GLT1D1: variants seen among roughly 807,000 people sequenced by gnomAD.
GLT1D1 encodes the protein glycosyltransferase 1 domain-containing protein 1.
A neutral mutation model predicts 28.7 loss-of-function variants in GLT1D1; 21 were observed. The ratio of observed to expected loss-of-function variants is 0.73; its 90% CI spans 0.52 to 1.05. The LOEUF is 1.05. Ranked by LOEUF, GLT1D1 falls within the 50% of genes least tolerant of loss-of-function variation. The pLI, the probability that GLT1D1 is intolerant of heterozygous loss-of-function variation, is 0.00. For missense variants in GLT1D1, 343 were observed against 330.6 expected, an observed-to-expected ratio of 1.04 and a Z score of -0.29; for synonymous variants, 147 against 124.8, an observed-to-expected ratio of 1.18 and a Z score of -1.19.
chr12:128,952,913 G>A (rs1399751446), intron 6 of GLT1D1, among the ~76,000 whole-genome samples: 2 of 150,404 alleles, frequency 1.3e-5, no homozygotes, highest in Non-Finnish European at 2.9e-5. Flanking sequence ...CGAGTAGCTG[G>A]AACCACAGGC....
At chr12:128,976,533 C>T (rs1037581338) in intron 7 of GLT1D1, among the ~76,000 whole-genome samples, 12 of 152,208 alleles carry the variant, frequency 7.9e-5, no homozygotes, top group Non-Finnish European at 1.2e-4. Flanking sequence ...CAACGTCTCC[C>T]ATCGACAAGC....
chr12:128,893,736 C>T (rs1306682532), intron 3 of GLT1D1, among the ~76,000 whole-genome samples: 1 of 152,102 alleles, frequency 6.6e-6, no homozygotes, highest in Non-Finnish European at 1.5e-5. Flanking sequence ...CAGGGGTGCA[C>T]CACCACGCCT....
At chr12:128,978,417 G>T (rs12300216) in intron 7 of GLT1D1, among the ~76,000 whole-genome samples, 98 of 152,334 alleles carry the variant, frequency 6.4e-4, no homozygotes, top group African/African-American at 2.3e-3. Flanking sequence ...TGAGTGTCTG[G>T]CCCTGCCTTC....
At chr12:128,861,702 A>G (rs757307255) in intron 1 of GLT1D1, among the ~76,000 whole-genome samples, 18 of 152,160 alleles carry the variant, frequency 1.2e-4, no homozygotes, top group Non-Finnish European at 8.8e-5. Flanking sequence ...CATTTTAGAT[A>G]ATGGGGGCAG....
chr12:128,854,553 A>G (rs1029442590), intron 1 of GLT1D1, among the ~76,000 whole-genome samples: 2 of 152,112 alleles, frequency 1.3e-5, no homozygotes, highest in African/African-American at 2.4e-5. Context: ...GCTGGAGTGC[A>G]GTGGCGCAAT....
chr12:128,916,917 C>A (rs1466783542), intron 4 of GLT1D1, among the ~76,000 whole-genome samples: 2 of 152,158 alleles, frequency 1.3e-5, no homozygotes, highest in African/African-American at 4.8e-5. Context: ...TCTTTACCTA[C>A]CCTAGGGTCA....
At chr12:128,860,200 C>T (rs1956320929) in intron 1 of GLT1D1, among the ~76,000 whole-genome samples, 1 of 152,230 alleles carries the variant, frequency 6.6e-6, no homozygotes, top group Admixed American at 6.5e-5. Flanking sequence ...GTGGCTCACG[C>T]CTGTAATCCC....
At chr12:128,899,573 G>A (rs532043138) in intron 4 of GLT1D1, among the ~76,000 whole-genome samples, 3 of 146,054 alleles carry the variant, frequency 2.1e-5, no homozygotes, top group East Asian at 4.0e-4. Flanking sequence ...TTTTTGAGAC[G>A]GAGTCTTGCT....
chr12:128,918,139 C>A (rs1448420964), intron 4 of GLT1D1, among the ~76,000 whole-genome samples: 2 of 152,154 alleles, frequency 1.3e-5, no homozygotes, highest in Non-Finnish European at 2.9e-5. Flanking sequence ...TAAAAACGAA[C>A]AAGATCATGT....
chr12:128,874,676 G>T (rs914354203), intron 1 of GLT1D1, among the ~76,000 whole-genome samples: 2 of 151,004 alleles, frequency 1.3e-5, no homozygotes, highest in Middle Eastern at 3.4e-3. Context: ...TAGAGACAGG[G>T]TTTCACCATA....
intron 4 of GLT1D1, among the ~76,000 whole-genome samples, chr12:128,925,033 G>GT (rs1180124208): frequency 4.3e-4 from 46 of 105,882 alleles, no homozygotes; most frequent in Non-Finnish European, 7.2e-4. Flanking sequence ...TAAATAAATT[G>GT]TTTTTTGTTT....
chr12:128,944,350 G>T, intron 4 of GLT1D1: 1 of 825,598 alleles, frequency 1.2e-6, no homozygotes, highest in African/African-American at 1.7e-5. Flanking sequence ...AATCTTGTTG[G>T]TTTCTGTTCT....
chr12:128,878,506 GA>G (rs1203885055), intron 2 of GLT1D1, among the ~76,000 whole-genome samples: 19 of 152,312 alleles, frequency 1.2e-4, no homozygotes, highest in African/African-American at 4.3e-4. Flanking sequence ...ATCCGTGCCT[GA>G]ACAATCTAAA....
intron 4 of GLT1D1, among the ~76,000 whole-genome samples, chr12:128,899,705 A>G (rs1463097077): frequency 6.6e-6 from 1 of 152,002 alleles, no homozygotes; most frequent in Admixed American, 6.6e-5. Flanking sequence ...GCACACCACC[A>G]TACCCAGCTA....
At chr12:128,912,575 G>T (rs1871652248) in intron 4 of GLT1D1, 115 bp downstream of exon 5, 1 of 397,428 alleles carries the variant, frequency 2.5e-6, no homozygotes, top group Non-Finnish European at 4.2e-6. Context: ...GAATAAGTTT[G>T]CATCCTTAAG....
At chr12:128,945,172 A>G (rs1875890885) in intron 4 of GLT1D1, 154 bp from the exon 9 acceptor site, 1 of 794,482 alleles carries the variant, frequency 1.3e-6, no homozygotes, top group East Asian at 2.5e-5. Context: ...GGCCCCCATG[A>G]TCACCACACG....
intron 1 of GLT1D1, 78 bp downstream of exon 1, chr12:128,853,727 G>T: frequency 3.2e-6 from 3 of 933,194 alleles, no homozygotes; most frequent in Non-Finnish European, 3.9e-6. Context: ...GGGACGCGGG[G>T]CGCTCAGCCA....
chr12:128,911,383 G>T lies in GLT1D1; in HGVS notation c.375+12096G>T, dbSNP rs187576808. 2.0e-5 allele frequency among the ~76,000 whole-genome samples: 3 copies of T among 152,220 alleles called. No individual in the cohort carries two copies. In the East Asian group the frequency reaches 5.8e-4, roughly 29 times the overall value. On this transcript the variant is annotated intron_variant, in intron 4 of 7. Coordinates refer to ENST00000281703, the MANE Select transcript of GLT1D1 (RefSeq NM_144669.3). ...AATATAAAACTGAAGTGGGGACAAC[G>T]TCCAACGTGGATCAGCATACCCCAT... is the stretch of plus-strand genomic sequence containing the variant.
chr12:128,884,554 C>T (rs1957134805), intron 2 of GLT1D1, among the ~76,000 whole-genome samples: 1 of 152,174 alleles, frequency 6.6e-6, no homozygotes, highest in South Asian at 2.1e-4. Flanking sequence ...GTGGCTCATA[C>T]CTGTAATCCC....
Sources: allele counts gnomAD v4.1 joint callset (sites outside exome capture counted in the v4.1 genomes callset), GRCh38; gene constraint gnomAD v4.1.1; transcripts MANE v1.5; gene names NCBI Gene and HGNC (gene_info 2026-07-23, HGNC 2026-07-21).